MKLN1: variants seen among roughly 807,000 people sequenced by gnomAD.
MKLN1 encodes muskelin.
A neutral mutation model predicts 99.0 loss-of-function variants in MKLN1; 18 were observed. The ratio of observed to expected loss-of-function variants is 0.18; its 90% confidence interval spans 0.13 to 0.27. The LOEUF is 0.27. MKLN1 is among the 10% of genes least tolerant of loss of function. MKLN1 has a pLI of 1.00. For synonymous variants in MKLN1, 288 were observed against 293.2 expected, an observed-to-expected ratio of 0.98 and a Z score of 0.18; for missense variants, 621 against 875.9, an observed-to-expected ratio of 0.71 and a Z score of 3.67.
chr7:131,437,309 C>A (rs900571762), intron 9 of MKLN1, among the ~76,000 whole-genome samples: 10 of 151,936 alleles, frequency 6.6e-5, no homozygotes, highest in Non-Finnish European at 1.3e-4. Context: ...ATTGATGTTT[C>A]TTCTAATTTT....
intron 1 of MKLN1, among the ~76,000 whole-genome samples, chr7:131,137,317 AG>A (rs1795663488): frequency 6.6e-6 from 1 of 152,240 alleles, no homozygotes; most frequent in South Asian, 2.1e-4. Flanking sequence ...TAAAAGAAAA[AG>A]AGTGTCAATG....
At chr7:131,219,743 G>T (rs1797034442) in intron 3 of MKLN1, among the ~76,000 whole-genome samples, 1 of 152,122 alleles carries the variant, frequency 6.6e-6, no homozygotes, top group South Asian at 2.1e-4. Flanking sequence ...GCTCGCTTTT[G>T]TTCCCTCCCT....
intron 1 of MKLN1, among the ~76,000 whole-genome samples, chr7:131,129,440 A>G (rs1035776945): frequency 2.6e-5 from 4 of 152,240 alleles, no homozygotes; most frequent in African/African-American, 9.6e-5. Flanking sequence ...ATTCTTTATA[A>G]TATTAAATAC....
chr7:131,427,320 T>A (rs933733830), intron 8 of MKLN1, among the ~76,000 whole-genome samples: 1 of 152,194 alleles, frequency 6.6e-6, no homozygotes, highest in African/African-American at 2.4e-5. Flanking sequence ...TAAATAGTCT[T>A]CTAGCATTTC....
intron 1 of MKLN1, among the ~76,000 whole-genome samples, chr7:131,363,759 GA>G (rs567497021): frequency 8.4e-4 from 117 of 139,422 alleles, no homozygotes; most frequent in East Asian, 5.5e-3. Flanking sequence ...CCATCCCTGG[GA>G]AAAAAAAAAA....
chr7:131,123,802 A>AG (rs57061115), intron 1 of MKLN1, among the ~76,000 whole-genome samples: 1 of 141,316 alleles, frequency 7.1e-6, no homozygotes, highest in East Asian at 2.2e-4. Context: ...AAAAAAAAAA[A>AG]TCTACTTCTT....
intron 3 of MKLN1, among the ~76,000 whole-genome samples, chr7:131,272,056 G>C (rs529061459): frequency 1.3e-5 from 2 of 152,284 alleles, no homozygotes; most frequent in South Asian, 4.2e-4. Context: ...AAGTGATGTT[G>C]GTCATTGCTG....
chr7:131,306,675 T>G (rs1798472312), intron 3 of MKLN1, among the ~76,000 whole-genome samples: 1 of 151,544 alleles, frequency 6.6e-6, no homozygotes, highest in Non-Finnish European at 1.5e-5. Flanking sequence ...TCTGACTGTT[T>G]ATGAAAGTTT....
intron 3 of MKLN1, among the ~76,000 whole-genome samples, chr7:131,298,237 C>G (rs1435371624): frequency 6.6e-6 from 1 of 151,726 alleles, no homozygotes; most frequent in Admixed American, 6.6e-5. Flanking sequence ...CGCCACTGCA[C>G]TCCAGCCTGG....
chr7:131,286,460 G>T (rs1260772120), intron 3 of MKLN1, among the ~76,000 whole-genome samples: 2 of 152,026 alleles, frequency 1.3e-5, no homozygotes, highest in Admixed American at 6.6e-5. Context: ...CCTCCCCCAA[G>T]GAATTGCCTC....
intron 1 of MKLN1, among the ~76,000 whole-genome samples, chr7:131,116,479 T>C (rs551903039): frequency 5.2e-4 from 79 of 152,196 alleles, no homozygotes; most frequent in African/African-American, 1.8e-3. Flanking sequence ...TGTGAAATTA[T>C]TTTCAGGAAT....
At chr7:131,207,347 A>G (rs13240971) in intron 3 of MKLN1, among the ~76,000 whole-genome samples, 16,977 of 152,002 alleles carry the variant, frequency 0.11, 1,092 homozygotes, top group South Asian at 0.22. Flanking sequence ...ACAGGTGTGC[A>G]TCACCAGGCC....
chr7:131,155,244 A>G (rs968369221), intron 2 of MKLN1, among the ~76,000 whole-genome samples: 13 of 152,324 alleles, frequency 8.5e-5, no homozygotes, highest in African/African-American at 2.9e-4. Context: ...TTATGTGTAT[A>G]TGGAAGAGCT....
chr7:131,302,163 T>C (rs890758038), intron 3 of MKLN1, among the ~76,000 whole-genome samples: 4 of 152,204 alleles, frequency 2.6e-5, no homozygotes, highest in Non-Finnish European at 5.9e-5. Flanking sequence ...TATTTTACAT[T>C]CCAACCCTTT....
At chr7:131,444,760 A>AGTAGTAGTAGT (rs1563351975) in intron 11 of MKLN1, among the ~76,000 whole-genome samples, 8 of 56,352 alleles carry the variant, frequency 1.4e-4, no homozygotes, top group Non-Finnish European at 2.0e-4. Context: ...GTAGTAGTAG[A>AGTAGTAGTAGT]AGAAGTAGTA....
chr7:131,220,860 A>G (rs1487797495), intron 3 of MKLN1, among the ~76,000 whole-genome samples: 1 of 152,330 alleles, frequency 6.6e-6, no homozygotes, highest in South Asian at 2.1e-4. Flanking sequence ...GAAGTGGGCC[A>G]AAGTGCAGCC....
At chr7:131,362,369 G>A (rs1400959313) in intron 1 of MKLN1, among the ~76,000 whole-genome samples, 1 of 151,992 alleles carries the variant, frequency 6.6e-6, no homozygotes, top group Non-Finnish European at 1.5e-5. Context: ...TGTTGTAGCT[G>A]TTGTAAGGTT....
Position 131,494,152 on chromosome 7 carries a change from G to A in MKLN1, c.*6424G>A, listed in dbSNP as rs1314269774. 1 of 152,136 alleles carries A rather than the reference G, an allele frequency of 6.6e-6. No homozygotes were observed. Among genetic ancestry groups the A allele is most frequent in the Non-Finnish European group, 1.5e-5 (1 of 68,016 alleles). The allele number at this position is 152,136 out of a possible 1,614,324, so 9.4% of individuals were successfully genotyped here. ...TTTCCTTGCCTTAAATTAATTATATGTCATCCCAAGGGTCTCTGTTAATTC... is the reference window on the plus strand; with the variant it reads ...TTTCCTTGCCTTAAATTAATTATATATCATCCCAAGGGTCTCTGTTAATTC... On this transcript the variant is annotated 3_prime_UTR_variant, in exon 18 of 18. Coordinates refer to ENST00000352689, the MANE Select transcript of MKLN1 (RefSeq NM_013255.5).
intron 3 of MKLN1, among the ~76,000 whole-genome samples, chr7:131,309,100 A>T (rs929189604): frequency 6.6e-6 from 1 of 152,254 alleles, no homozygotes; most frequent in African/African-American, 2.4e-5. Context: ...TAGACAGATT[A>T]TAATTTCCAG....
Sources: allele counts gnomAD v4.1 joint callset (sites outside exome capture counted in the v4.1 genomes callset), GRCh38; gene constraint gnomAD v4.1.1; transcripts MANE v1.5; gene names NCBI Gene and HGNC (gene_info 2026-07-23, HGNC 2026-07-21).